Variants in RUNX2 observed in about 807,000 individuals in gnomAD.
The protein encoded by RUNX2 is RUNX family transcription factor 2, also known as runt-related transcription factor 2.
Under a neutral mutation model 51.7 loss-of-function variants are expected in RUNX2, and 10 were observed. The ratio of observed to expected loss-of-function variants is 0.19; its 90% confidence interval spans 0.12 to 0.33. The LOEUF (loss-of-function observed/expected upper bound fraction) is 0.33, where lower values mean the gene tolerates loss of function less well. Ranked by LOEUF, RUNX2 falls within the 10% of genes least tolerant of loss-of-function variation. RUNX2 has a pLI of 1.00. For missense variants in RUNX2, 562 were observed against 691.3 expected, an observed-to-expected ratio of 0.81 and a Z score of 2.10; for synonymous variants, 276 against 273.6, an observed-to-expected ratio of 1.01 and a Z score of -0.09.
chr6:45,405,592 C>T (rs958150906), intron 2 of RUNX2, among the ~76,000 whole-genome samples: 1 of 152,188 alleles, frequency 6.6e-6, no homozygotes, highest in Non-Finnish European at 1.5e-5. Flanking sequence ...AGTTCAAGAC[C>T]AGCCTGGCCA....
At chr6:45,378,194 C>A (rs972457507) in intron 2 of RUNX2, among the ~76,000 whole-genome samples, 56 of 152,132 alleles carry the variant, frequency 3.7e-4, no homozygotes, top group African/African-American at 1.3e-3. Flanking sequence ...GAGCTGGGGA[C>A]GCTGGGAGCG....
chr6:45,494,230 G>C (rs997744909), intron 6 of RUNX2, among the ~76,000 whole-genome samples: 7 of 152,208 alleles, frequency 4.6e-5, no homozygotes, highest in Admixed American at 6.5e-5. Context: ...AGCAGATCGA[G>C]AGTGTGGCCA....
intron 2 of RUNX2, among the ~76,000 whole-genome samples, chr6:45,340,117 C>T (rs1789446538): frequency 6.6e-6 from 1 of 152,064 alleles, no homozygotes; most frequent in Non-Finnish European, 1.5e-5. Flanking sequence ...CTTCCTAGTC[C>T]TCAATCAATT....
Position 45,450,894 on chromosome 6 carries a change from C to T in RUNX2, c.685+12843C>T, listed in dbSNP as rs563287591. Among the ~76,000 whole-genome samples, 17 of 152,200 alleles carry T rather than the reference C, an allele frequency of 1.1e-4. No individual in the cohort carries two copies. In the East Asian group the frequency reaches 3.3e-3, roughly 29 times the overall value. On this transcript the variant is annotated intron_variant, in intron 5 of 8. Coordinates refer to ENST00000647337, the MANE Select transcript of RUNX2 (RefSeq NM_001024630.4). ...CCAAAAGTGGCTGTTTATAATTGTA[C>T]CCAAGGCTGGTGTGGTGTAATTAGA...
intron 5 of RUNX2, among the ~76,000 whole-genome samples, chr6:45,448,654 A>G (rs969144553): frequency 2.0e-5 from 3 of 151,854 alleles, no homozygotes; most frequent in African/African-American, 7.3e-5. Flanking sequence ...CTTGCCGTGA[A>G]CTCTCAGAAT....
chr6:45,356,636 C>G (rs1793246521), intron 2 of RUNX2, among the ~76,000 whole-genome samples: 1 of 151,924 alleles, frequency 6.6e-6, no homozygotes, highest in African/African-American at 2.4e-5. Context: ...CCTGACTGAC[C>G]TCAAGTGATC....
At chr6:45,410,118 A>G (rs1188080258) in intron 2 of RUNX2, among the ~76,000 whole-genome samples, 1 of 152,214 alleles carries the variant, frequency 6.6e-6, no homozygotes, top group African/African-American at 2.4e-5. Context: ...AGGCCAGGAC[A>G]TGAAGGGGTT....
chr6:45,413,113 G>T (rs1797986364), intron 2 of RUNX2, among the ~76,000 whole-genome samples: 1 of 152,126 alleles, frequency 6.6e-6, no homozygotes, highest in Non-Finnish European at 1.5e-5. Flanking sequence ...TTTACTAAAG[G>T]AGAATCTAAT....
At chr6:45,478,241 T>C (rs1452587237) in intron 5 of RUNX2, among the ~76,000 whole-genome samples, 1 of 152,232 alleles carries the variant, frequency 6.6e-6, no homozygotes, top group Non-Finnish European at 1.5e-5. Context: ...GCCTCCAGTA[T>C]ACCGTGAGCA....
intron 7 of RUNX2, 101 bp downstream of exon 7, chr6:45,512,508 T>C (rs1335234250): frequency 1.6e-5 from 21 of 1,282,594 alleles, no homozygotes; most frequent in Non-Finnish European, 2.2e-5. Flanking sequence ...GACTCTCTAT[T>C]AGAGGCATGT....
chr6:45,540,946 A>T (rs1802206235), intron 7 of RUNX2, among the ~76,000 whole-genome samples: 1 of 152,342 alleles, frequency 6.6e-6, no homozygotes, highest in Admixed American at 6.5e-5. Flanking sequence ...AAGTGATGCA[A>T]TAATGCTTGG....
chr6:45,353,222 G>A (rs892714760), intron 2 of RUNX2, among the ~76,000 whole-genome samples: 1 of 151,814 alleles, frequency 6.6e-6, no homozygotes, highest in Non-Finnish European at 1.5e-5. Context: ...GCAAAAAGCA[G>A]AAAAAGAAAA....
intron 4 of RUNX2, among the ~76,000 whole-genome samples, chr6:45,435,134 C>T (rs1364880658): frequency 6.6e-6 from 1 of 152,164 alleles, no homozygotes; most frequent in Non-Finnish European, 1.5e-5. Flanking sequence ...CCAAACCCAT[C>T]TCTTTTTAAA....
At chr6:45,434,380 C>T (rs776337399) in intron 4 of RUNX2, among the ~76,000 whole-genome samples, 9 of 152,042 alleles carry the variant, frequency 5.9e-5, no homozygotes, top group African/African-American at 1.7e-4. Flanking sequence ...TTTTCTTTCC[C>T]GGCTTTAAAT....
intron 7 of RUNX2, among the ~76,000 whole-genome samples, chr6:45,531,827 A>G (rs1028263767): frequency 3.9e-5 from 6 of 152,288 alleles, no homozygotes; most frequent in Non-Finnish European, 8.8e-5. Flanking sequence ...ATTTTGCACG[A>G]TATATTCTAC....
At chr6:45,478,815 A>G (rs934068151) in intron 5 of RUNX2, among the ~76,000 whole-genome samples, 2 of 152,192 alleles carry the variant, frequency 1.3e-5, no homozygotes, top group Non-Finnish European at 2.9e-5. Flanking sequence ...GTCTCCTTTC[A>G]GTCACATGTT....
At chr6:45,361,767 G>A (rs990451659) in intron 2 of RUNX2, 14 of 152,262 alleles carry the variant, frequency 9.2e-5, no homozygotes, top group African/African-American at 3.4e-4. Context: ...CTGTAAGAAG[G>A]GGCCAGGCAC....
intron 5 of RUNX2, among the ~76,000 whole-genome samples, chr6:45,483,447 T>C (rs2150401374): frequency 6.6e-6 from 1 of 152,310 alleles, no homozygotes; most frequent in South Asian, 2.1e-4. Context: ...CAATCATTTG[T>C]TGTGTGACTT....
intron 7 of RUNX2, among the ~76,000 whole-genome samples, chr6:45,540,619 T>C (rs752303618): frequency 5.9e-5 from 9 of 152,200 alleles, no homozygotes; most frequent in Admixed American, 1.3e-4. Flanking sequence ...TCAAACAAGA[T>C]GCTAGTTTCA....
Sources: gnomAD v4.1 joint callset for allele counts (sites outside exome capture counted in the v4.1 genomes callset) on GRCh38, gnomAD v4.1.1 for gene constraint, MANE v1.5 for transcripts, NCBI Gene and HGNC (gene_info 2026-07-23, HGNC 2026-07-21) for gene names.